Variants in LATS2 observed in about 807,000 individuals in gnomAD.
LATS2 encodes serine/threonine-protein kinase LATS2.
In LATS2, 24 loss-of-function variants were observed where a neutral mutation model predicts 76.0. The ratio of observed to expected loss-of-function variants is 0.32; its 90% CI spans 0.23 to 0.44. The LOEUF is 0.44. Ranked by LOEUF, LATS2 falls within the 20% of genes least tolerant of loss-of-function variation. The probability of loss-of-function intolerance (pLI) is 1.00; values close to 1 mark genes in which losing one functional copy is unlikely to be tolerated. For synonymous variants in LATS2, 692 were observed against 635.4 expected, an observed-to-expected ratio of 1.09 and a Z score of -1.34; for missense variants, 1,286 against 1,481.2, an observed-to-expected ratio of 0.87 and a Z score of 2.16.
intron 4 of LATS2, among the ~76,000 whole-genome samples, chr13:20,986,902 A>T (rs1870169562): frequency 6.6e-6 from 1 of 152,206 alleles, no homozygotes; most frequent in Non-Finnish European, 1.5e-5. Context: ...GTATAAATAA[A>T]AAATAAACGG....
intron 2 of LATS2, among the ~76,000 whole-genome samples, chr13:21,043,665 C>T (rs1872967174): frequency 6.6e-6 from 1 of 152,182 alleles, no homozygotes; most frequent in South Asian, 2.1e-4. Context: ...GAAACTTCAT[C>T]GGTGTCATGA....
chr13:21,016,047 T>C (rs1185061573), intron 2 of LATS2, among the ~76,000 whole-genome samples: 1 of 151,218 alleles, frequency 6.6e-6, no homozygotes, highest in Non-Finnish European at 1.5e-5. Context: ...TGGAGTGCAG[T>C]GGTATGATCT....
intron 4 of LATS2, 80 bp downstream of exon 4, chr13:20,987,801 G>C: frequency 6.6e-7 from 1 of 1,506,572 alleles, no homozygotes; most frequent in Non-Finnish European, 9.0e-7. Context: ...AGTCGAAACA[G>C]AAAAGGGATT....
At chr13:20,996,909 T>G (rs1024862896) in intron 2 of LATS2, among the ~76,000 whole-genome samples, 14 of 152,194 alleles carry the variant, frequency 9.2e-5, no homozygotes, top group African/African-American at 2.7e-4. Flanking sequence ...TTTTGTCAGA[T>G]TGGCTGTAGA....
At chr13:21,040,096 G>T (rs1040636499) in intron 2 of LATS2, among the ~76,000 whole-genome samples, 2 of 150,654 alleles carry the variant, frequency 1.3e-5, no homozygotes, top group Non-Finnish European at 3.0e-5. Flanking sequence ...AAGAAAGAAA[G>T]AAATTTCTGA....
intron 1 of LATS2, among the ~76,000 whole-genome samples, chr13:21,058,255 T>A (rs935070574): frequency 6.6e-6 from 1 of 152,230 alleles, no homozygotes; most frequent in African/African-American, 2.4e-5. Flanking sequence ...AGAAATACTG[T>A]TCAGAAGTTT....
chr13:21,060,860 G>A (rs1873616276), intron 1 of LATS2, among the ~76,000 whole-genome samples: 1 of 151,436 alleles, frequency 6.6e-6, no homozygotes, highest in South Asian at 2.1e-4. Context: ...CCGGACCGGG[G>A]GTCCCGAGGC....
At chr13:21,050,151 C>G (rs5028750) in intron 1 of LATS2, among the ~76,000 whole-genome samples, 1,265 of 19,218 alleles carry the variant, frequency 0.066, 22 homozygotes, top group South Asian at 0.11. Flanking sequence ...TAGATAGATA[C>G]ATACATACAT....
intron 7 of LATS2, among the ~76,000 whole-genome samples, 161 bp downstream of exon 7, chr13:20,979,530 T>A (rs546178680): frequency 6.6e-6 from 1 of 152,122 alleles, no homozygotes; most frequent in Non-Finnish European, 1.5e-5. Flanking sequence ...TAAAAATAGA[T>A]AATTTAAAAA....
chr13:21,004,595 G>C (rs772590422), intron 2 of LATS2, among the ~76,000 whole-genome samples: 1 of 152,190 alleles, frequency 6.6e-6, no homozygotes, highest in African/African-American at 2.4e-5. Flanking sequence ...TGTTCTGGGC[G>C]TAGGAAACCA....
In LATS2 at chr13:21,045,817, G is replaced by A. The variant is rs201531181; in HGVS notation, c.210C>T (p.Phe70=). 3.1e-5 allele frequency: 50 copies of A among 1,614,224 alleles called. No homozygotes were observed. Among genetic ancestry groups the A allele is most frequent in the South Asian group, 6.6e-5 (6 of 91,084 alleles). ...QQQQMRATPK[F]GPYQKALREI... is the part of the protein sequence containing the mutation. ...CCCTCAAGGCTTTCTGATAAGGTCC[G>A]AACTTTGGGGTGGCTCTCATCTGCT... Residue 70 remains phenylalanine (F), a synonymous_variant, in exon 2 of 8, where the codon TTC becomes TTT. Transcript: ENST00000382592.
chr13:20,986,297 A>G (rs1049264168), intron 4 of LATS2, among the ~76,000 whole-genome samples: 3 of 152,240 alleles, frequency 2.0e-5, no homozygotes, highest in African/African-American at 7.2e-5. Context: ...GGAAATCAGT[A>G]TATCAAAGGG....
intron 5 of LATS2, 67 bp from the exon 6 acceptor site, chr13:20,981,715 T>C: frequency 7.5e-7 from 1 of 1,329,048 alleles, no homozygotes; most frequent in South Asian, 1.4e-5. Context: ...CACTCTTCAA[T>C]AACTCAACAG....
At chr13:21,053,791 C>T (rs1271153032) in intron 1 of LATS2, among the ~76,000 whole-genome samples, 2 of 152,128 alleles carry the variant, frequency 1.3e-5, no homozygotes, top group African/African-American at 4.8e-5. Context: ...ACCTCAAGAA[C>T]ATTATGCTAA....
chr13:21,057,791 C>T (rs554129253), intron 1 of LATS2, among the ~76,000 whole-genome samples: 1 of 133,734 alleles, frequency 7.5e-6, no homozygotes, highest in East Asian at 2.2e-4. Flanking sequence ...CAGAGCGAGA[C>T]TCCATCTCAA....
At chr13:20,995,841 G>A (rs1286245155) in intron 2 of LATS2, among the ~76,000 whole-genome samples, 1 of 152,198 alleles carries the variant, frequency 6.6e-6, no homozygotes, top group African/African-American at 2.4e-5. Context: ...CTCTTTGAAT[G>A]TGTGTATCAT....
At chr13:20,997,395 G>A (rs1276397688) in intron 2 of LATS2, among the ~76,000 whole-genome samples, 1 of 152,220 alleles carries the variant, frequency 6.6e-6, no homozygotes, top group Non-Finnish European at 1.5e-5. Context: ...GATATAGAAA[G>A]GACTGCAAAA....
chr13:21,042,155 A>G (rs1401053879), intron 2 of LATS2, among the ~76,000 whole-genome samples: 1 of 152,186 alleles, frequency 6.6e-6, no homozygotes, highest in Non-Finnish European at 1.5e-5. Flanking sequence ...TTTTTTCTAC[A>G]GGAATTTTTG....
At chr13:20,993,876 T>A (rs578172465) in intron 2 of LATS2, among the ~76,000 whole-genome samples, 1 of 152,116 alleles carries the variant, frequency 6.6e-6, no homozygotes, top group Non-Finnish European at 1.5e-5. Context: ...TTGGCGCCCA[T>A]TAAAAAAATG....
Sources: allele counts gnomAD v4.1 joint callset (sites outside exome capture counted in the v4.1 genomes callset), GRCh38; gene constraint gnomAD v4.1.1; transcripts MANE v1.5; gene names NCBI Gene and HGNC (gene_info 2026-07-23, HGNC 2026-07-21).